Variants in USH2A observed in about 807,000 individuals in gnomAD.
USH2A encodes the protein Usher syndrome 2A (autosomal recessive, mild).
In USH2A, 443 loss-of-function variants were observed where a neutral mutation model predicts 538.9. That is an observed-to-expected ratio of 0.82 (90% CI 0.76 to 0.89). The LOEUF (loss-of-function observed/expected upper bound fraction) is 0.89. Among genes scored for constraint, USH2A ranks in the 40% least tolerant of loss-of-function variants. The pLI is 0.00. For missense variants in USH2A, 6,633 were observed against 6,324.8 expected (o/e 1.05, Z -1.65); for synonymous variants, 2,413 against 2,273.5 (o/e 1.06, Z -1.75).
rs1240298062 is a variant in USH2A at position 215,674,740 on chromosome 1, C to G, written c.13171G>C (p.Val4391Leu). 6.2e-7 allele frequency: 1 copy of G among 1,614,016 alleles called. No individual in the cohort carries two copies. The highest frequency in any genetic ancestry group is 8.5e-7 in the Non-Finnish European group (1 of 1,180,040). The change falls in exon 63 of 72, where the codon GTT becomes CTT. Residue 4391 changes from valine (V) to leucine (L), a missense_variant. Val to Leu is a conservative substitution (Grantham distance 32). Transcript: ENST00000307340. ...AGGGACTCTTTATTATCATATCTAA[C>G]TAAATATTTAGTAATCTTTCCATTT... Reference protein sequence around the residue: ...VQNGKITKYLVRYDNKESLAG... With the variant: ...VQNGKITKYLLRYDNKESLAG...
chr1:215,973,891 CTAAT>C (rs1667555166), intron 35 of USH2A, among the ~76,000 whole-genome samples: 1 of 150,716 alleles, frequency 6.6e-6, no homozygotes, highest in South Asian at 2.1e-4. Context: ...CAGGATGTAT[CTAAT>C]TGAGAGGTGG....
At chr1:216,411,982 T>C (rs1331200108) in intron 3 of USH2A, among the ~76,000 whole-genome samples, 2 of 152,286 alleles carry the variant, frequency 1.3e-5, no homozygotes, top group African/African-American at 4.8e-5. Context: ...CATGTAGCAC[T>C]TACCACAATT....
At chr1:216,264,446 C>A (rs976360590) in intron 11 of USH2A, among the ~76,000 whole-genome samples, 1 of 151,888 alleles carries the variant, frequency 6.6e-6, no homozygotes, top group Non-Finnish European at 1.5e-5. Context: ...TACAGGTGCC[C>A]GCCACCATGC....
At chr1:216,155,816 AT>A (rs1054835567) in intron 21 of USH2A, among the ~76,000 whole-genome samples, 22 of 151,572 alleles carry the variant, frequency 1.5e-4, no homozygotes, top group African/African-American at 4.8e-4. Context: ...TCAGAATTTC[AT>A]TTTTTTTTAA....
intron 21 of USH2A, among the ~76,000 whole-genome samples, chr1:216,115,919 T>C (rs1381431225): frequency 6.6e-6 from 1 of 151,836 alleles, no homozygotes; most frequent in East Asian, 1.9e-4. Context: ...TTTTGTTTTT[T>C]TGAAATAATT....
chr1:215,825,687 A>G (rs1449178535), intron 47 of USH2A, among the ~76,000 whole-genome samples: 1 of 152,140 alleles, frequency 6.6e-6, no homozygotes, highest in Non-Finnish European at 1.5e-5. Flanking sequence ...ATTTTTGTCA[A>G]TCATTTATGT....
At chr1:215,640,839 C>T in intron 67 of USH2A, 105 bp from the exon 68 acceptor site, 1 of 837,162 alleles carries the variant, frequency 1.2e-6, no homozygotes, top group East Asian at 3.2e-5. Flanking sequence ...CCGAACCAAT[C>T]CAAACAAAAA....
At chr1:215,775,564 C>T (rs58305091) in intron 55 of USH2A, among the ~76,000 whole-genome samples, 6,716 of 152,140 alleles carry the variant, frequency 0.044, 285 homozygotes, top group African/African-American at 0.11. Context: ...AAGTGTGGAA[C>T]AGAGACAAGA....
intron 9 of USH2A, among the ~76,000 whole-genome samples, chr1:216,312,156 A>G (rs2037432817): frequency 6.6e-6 from 1 of 151,172 alleles, no homozygotes; most frequent in African/African-American, 2.4e-5. Flanking sequence ...TTTGCAAGAT[A>G]CAGAATTCTA....
chr1:215,790,460 A>G (rs1321347370), intron 50 of USH2A, among the ~76,000 whole-genome samples, 178 bp from the exon 51 acceptor site: 1 of 152,206 alleles, frequency 6.6e-6, no homozygotes, highest in Non-Finnish European at 1.5e-5. Flanking sequence ...CTTCTTACCA[A>G]GAGCACTAGA....
chr1:215,646,218 C>T (rs1471592873), intron 67 of USH2A, among the ~76,000 whole-genome samples: 1 of 151,950 alleles, frequency 6.6e-6, no homozygotes, highest in Non-Finnish European at 1.5e-5. Flanking sequence ...GTTGCAAGGG[C>T]CTGTGACATA....
intron 47 of USH2A, among the ~76,000 whole-genome samples, chr1:215,826,315 G>A (rs1663153121): frequency 6.6e-6 from 1 of 152,170 alleles, no homozygotes; most frequent in Non-Finnish European, 1.5e-5. Flanking sequence ...ACTCGTGTGA[G>A]GGAATTTGGC....
At position 215,684,702 on chromosome 1, in the gene USH2A, A is replaced by G. The variant is rs77057152; in HGVS notation, c.12067-4326T>C. Reference sequence around the variant, plus strand: ...GAAAGGGTTAATCTTCCTGGTCACCATCAACTTCATTCTAAGCCAGTGGGA... The same window carrying G: ...GAAAGGGTTAATCTTCCTGGTCACCGTCAACTTCATTCTAAGCCAGTGGGA... On this transcript the variant is annotated intron_variant, in intron 61 of 71. Coordinates refer to ENST00000307340, the MANE Select transcript of USH2A (RefSeq NM_206933.4). 3.9e-3 allele frequency among the ~76,000 whole-genome samples: 589 copies of G among 152,308 alleles called. 4 individuals are homozygous for G. Among genetic ancestry groups the G allele is most frequent in the African/African-American group, 0.014 (563 of 41,580 alleles).
chr1:216,249,229 T>C (rs912864352), intron 12 of USH2A, among the ~76,000 whole-genome samples: 2 of 152,106 alleles, frequency 1.3e-5, no homozygotes, highest in African/African-American at 4.8e-5. Flanking sequence ...AATACTGAAG[T>C]AATTTAGTCT....
At chr1:216,103,375 A>T (rs1374200022) in intron 21 of USH2A, among the ~76,000 whole-genome samples, 1 of 152,242 alleles carries the variant, frequency 6.6e-6, no homozygotes, top group African/African-American at 2.4e-5. Flanking sequence ...TAAGAAACAT[A>T]AAAAGCCATC....
chr1:215,857,010 A>G (rs998696117), intron 44 of USH2A, among the ~76,000 whole-genome samples: 7 of 152,124 alleles, frequency 4.6e-5, no homozygotes, highest in African/African-American at 1.4e-4. Flanking sequence ...AGTGAGAGCT[A>G]AACTGTAAGG....
At chr1:215,775,570 C>T (rs1661438288) in intron 55 of USH2A, among the ~76,000 whole-genome samples, 1 of 152,040 alleles carries the variant, frequency 6.6e-6, no homozygotes, top group Admixed American at 6.5e-5. Flanking sequence ...GGAACAGAGA[C>T]AAGAGGAAAG....
intron 35 of USH2A, among the ~76,000 whole-genome samples, chr1:215,971,374 A>G (rs796573018): frequency 3.9e-5 from 6 of 152,302 alleles, no homozygotes; most frequent in African/African-American, 1.4e-4. Context: ...CAATCATATA[A>G]GCATTGAAAA....
chr1:216,320,402 C>T lies in USH2A; in HGVS notation c.1644+1481G>A, dbSNP rs112161397. Among the ~76,000 whole-genome samples the T allele has an allele frequency of 5.2e-3, 792 of 152,282 alleles. 4 individuals carry two copies. Among genetic ancestry groups the T allele is most frequent in the African/African-American group, 0.018 (762 of 41,558 alleles). On this transcript the variant is annotated intron_variant, in intron 9 of 71. Transcript: ENST00000307340. ...TTATATTTACCTAGTCTCAGGTCTT[C>T]CTGTACAGCAATGCAAACAGACTAA...
Sources: allele counts gnomAD v4.1 joint callset (sites outside exome capture counted in the v4.1 genomes callset), GRCh38; gene constraint gnomAD v4.1.1; transcripts MANE v1.5; gene names NCBI Gene and HGNC (gene_info 2026-07-23, HGNC 2026-07-21).